INTS2: variants seen among roughly 807,000 people sequenced by gnomAD.
INTS2 encodes integrator complex subunit 2, also known as KIAA1287.
A neutral mutation model predicts 139.6 loss-of-function variants in INTS2; 57 were observed. The observed-to-expected ratio is 0.41, with a 90% CI of 0.33 to 0.51. INTS2 has a LOEUF of 0.51. Ranked by LOEUF, INTS2 falls within the 20% of genes least tolerant of loss-of-function variation. The probability of loss-of-function intolerance (pLI) is 0.28; values close to 1 mark genes in which losing one functional copy is unlikely to be tolerated. For synonymous variants in INTS2, 473 were observed against 493.4 expected (o/e 0.96, Z 0.55); for missense variants, 1,196 against 1,436.7 (o/e 0.83, Z 2.71).
At chr17:61,907,294 T>C (rs2079475706) in intron 8 of INTS2, 114 bp downstream of exon 8, 1 of 797,776 alleles carries the variant, frequency 1.3e-6, no homozygotes, top group Non-Finnish European at 2.0e-6. Flanking sequence ...GCCCACTACC[T>C]GAGTCCAACA....
At chr17:61,918,827 A>G (rs1392329843) in intron 5 of INTS2, among the ~76,000 whole-genome samples, 4 of 151,746 alleles carry the variant, frequency 2.6e-5, no homozygotes, top group Non-Finnish European at 5.9e-5. Context: ...AGCATTTCTC[A>G]TTATACATAT....
At chr17:61,924,887 T>C (rs2079692717) in intron 3 of INTS2, 74 bp downstream of exon 3, 8 of 1,466,808 alleles carry the variant, frequency 5.5e-6, no homozygotes, top group Admixed American at 2.0e-5. Context: ...ACTTCTTGTC[T>C]CTTTTTCTGT....
intron 4 of INTS2, among the ~76,000 whole-genome samples, chr17:61,920,486 C>CTTTTT (rs1187583288): frequency 1.9e-5 from 2 of 106,492 alleles, no homozygotes. Context: ...CTGGCCTATA[C>CTTTTT]TTTTTTTTTT....
chr17:61,903,098 G>A (rs1423745348), intron 9 of INTS2, among the ~76,000 whole-genome samples: 1 of 147,728 alleles, frequency 6.8e-6, no homozygotes, highest in Non-Finnish European at 1.5e-5. Context: ...CTGGGAGGTG[G>A]AGCTTGCAGT....
intron 13 of INTS2, among the ~76,000 whole-genome samples, chr17:61,892,773 TG>T (rs926566251): frequency 2.7e-5 from 4 of 150,376 alleles, no homozygotes; most frequent in Non-Finnish European, 5.9e-5. Flanking sequence ...GGTGAAACCC[TG>T]TCTCTACTAA....
At chr17:61,878,943 A>AAG (rs1303829098) in intron 17 of INTS2, among the ~76,000 whole-genome samples, 4 of 149,842 alleles carry the variant, frequency 2.7e-5, no homozygotes, top group Non-Finnish European at 5.9e-5. Flanking sequence ...AAAAAAAAAA[A>AAG]AAAAAAAAAA....
rs1386899914 is a variant in INTS2, at chr17:61,893,828, A to G, written c.1635T>C (p.Pro545=). The G allele has an allele frequency of 1.3e-6, 2 of 1,584,356 alleles. No individual in the cohort carries two copies. Among genetic ancestry groups the G allele is most frequent in the Non-Finnish European group, 1.7e-6 (2 of 1,164,304 alleles). ...TGAGAAGCTGGTAAATACAATGAAT[A>G]GGCAAAAATCCAGTAATGTTGGCAC... The part of the protein sequence containing the change: ...NLSANITGFL[P]IHCIYQLLRS... The change falls in exon 13 of 25, where the codon CCT becomes CCC. Residue 545 remains proline, a synonymous_variant. Transcript: ENST00000251334. This position sits in a 1 kb window ranked among gnomAD's most constrained non-coding sequence, Gnocchi z 5.4.
chr17:61,901,785 A>G (rs936217908), intron 9 of INTS2, among the ~76,000 whole-genome samples: 1 of 150,770 alleles, frequency 6.6e-6, no homozygotes, highest in African/African-American at 2.4e-5. Flanking sequence ...TTTAGTAGAG[A>G]CGGGGTTTCA....
intron 8 of INTS2, among the ~76,000 whole-genome samples, chr17:61,906,681 G>A (rs1198114390): frequency 6.6e-6 from 1 of 151,982 alleles, no homozygotes; most frequent in Non-Finnish European, 1.5e-5. Flanking sequence ...GATTTTGTAT[G>A]GTGACTAAGA....
Position 61,872,460 on chromosome 17 carries a change from T to C in INTS2, c.2583A>G (p.Arg861=). Reference sequence around the variant, plus strand: ...GGGTAATATCCATCAGTGGGGGGCATCTAAACAAGGAAAGCAGAAAAGAAA... The same window carrying C: ...GGGTAATATCCATCAGTGGGGGGCACCTAAACAAGGAAAGCAGAAAAGAAA... ...IVLRCDQRVH[R]CPPLMDITLH... Residue 861 remains arginine (R), a splice_region_variant and synonymous_variant, in exon 20 of 25, where the codon AGA becomes AGG. Coordinates refer to ENST00000251334, the MANE Select transcript of INTS2 (RefSeq NM_001351695.2). The surrounding 1 kb of genome is among the most constrained non-coding windows in gnomAD (Gnocchi z 4.8). The C allele has an allele frequency of 1.3e-6, 2 of 1,551,528 alleles. No homozygotes were observed. Among genetic ancestry groups the C allele is most frequent in the Admixed American group, 1.8e-5 (1 of 56,016 alleles).
chr17:61,884,952 GA>G lies in INTS2; in HGVS notation c.2037del (p.Pro680LeufsTer58). On this transcript the variant is annotated frameshift_variant, in exon 16 of 25. Coordinates refer to ENST00000251334, the MANE Select transcript of INTS2 (RefSeq NM_001351695.2). LOFTEE classifies it high-confidence loss of function. ...KSYSSSLMDQIPIKFLIRQAQ... is the reference protein window; with the variant it reads ...KSYSSSLMDQXPIKFLIRQAQ... ...GCCTGTCGAATAAGGAATTTGATAGGAATCTGATCCATTAAAGAAGAAGAAT... is the reference window on the plus strand; with the variant it reads ...GCCTGTCGAATAAGGAATTTGATAGGATCTGATCCATTAAAGAAGAAGAAT... 6.2e-7 allele frequency: 1 copy of G among 1,609,152 alleles called. No homozygotes were observed. The highest frequency in any genetic ancestry group is 8.5e-7 in the Non-Finnish European group (1 of 1,177,580).
In INTS2 at chr17:61,895,342, G is replaced by A. The variant is rs1356483260; in HGVS notation, c.1536C>T (p.Ile512=). The A allele has an allele frequency of 1.3e-6, 2 of 1,582,380 alleles. No homozygotes were observed. Among genetic ancestry groups the A allele is most frequent in the African/African-American group, 2.7e-5 (2 of 73,094 alleles). ...KPSSLSRMKT[I]FTQEIFTEQV... Reference sequence around the variant, plus strand: ...GCTCAGTAAAAATTTCCTGTGTGAAGATTGTCTTCATCCTGCTCAAGGAGC... The same window carrying A: ...GCTCAGTAAAAATTTCCTGTGTGAAAATTGTCTTCATCCTGCTCAAGGAGC... Residue 512 remains isoleucine (I), a synonymous_variant, in exon 12 of 25, where the codon ATC becomes ATT. Transcript: ENST00000251334.
chr17:61,912,197 A>C, intron 5 of INTS2, 127 bp from the exon 6 acceptor site: 2 of 893,416 alleles, frequency 2.2e-6, no homozygotes, highest in East Asian at 2.4e-5. Flanking sequence ...ATGAAGCAAA[A>C]AATGAAAAGA....
intron 7 of INTS2, chr17:61,911,089 GT>G (rs1052362117): frequency 1.3e-4 from 23 of 183,868 alleles, no homozygotes; most frequent in East Asian, 2.6e-4. Context: ...TTTGGTTTTG[GT>G]TTTTTTTTAA....
chr17:61,884,929 C>G lies in INTS2; in HGVS notation c.2061G>C (p.Gln687His), dbSNP rs1411027177. 6.2e-7 allele frequency: 1 copy of G among 1,608,046 alleles called. No individual in the cohort carries two copies. Among genetic ancestry groups the G allele is most frequent in the Non-Finnish European group, 8.5e-7 (1 of 1,177,050 alleles). ...CCAACTCCTGCTGCAGCCCTTGAGC[C>G]TGTCGAATAAGGAATTTGATAGGAA... The part of the protein sequence containing the change: ...DQIPIKFLIR[Q>H]AQGLQQELGG... Residue 687 changes from glutamine (Q) to histidine (H), a missense_variant, in exon 16 of 25, where the codon CAG becomes CAC. By Grantham distance (24) the Gln-to-His change is conservative. This residue lies in a region of INTS2 where 1,129 missense variants were observed against 1,341.9 expected (regional missense o/e 0.84). Coordinates refer to ENST00000251334, the MANE Select transcript of INTS2 (RefSeq NM_001351695.2).
intron 9 of INTS2, among the ~76,000 whole-genome samples, chr17:61,903,998 T>C (rs780875213): frequency 6.6e-6 from 1 of 152,186 alleles, no homozygotes; most frequent in Non-Finnish European, 1.5e-5. Flanking sequence ...AAGACACTGC[T>C]TCTAAGAAAG....
In INTS2 at chr17:61,912,077, T is replaced by C. The variant is rs1174117980; in HGVS notation, c.650-7A>G. On this transcript the variant is annotated splice_polypyrimidine_tract_variant and splice_region_variant and intron_variant, in intron 5 of 24. Coordinates refer to ENST00000251334, the MANE Select transcript of INTS2 (RefSeq NM_001351695.2). The stretch of plus-strand genomic sequence containing the variant: ...TTTATCAGGCCCCTACAAACTAACA[T>C]GATAGAAACCATCTTCTTCAGCCTT... 13 of 1,610,272 alleles carry C rather than the reference T, an allele frequency of 8.1e-6. No homozygotes were observed. In the Admixed American group the frequency reaches 1.7e-4, roughly 21 times the overall value.
intron 12 of INTS2, among the ~76,000 whole-genome samples, chr17:61,894,357 T>C (rs964672532): frequency 6.6e-6 from 1 of 152,226 alleles, no homozygotes; most frequent in African/African-American, 2.4e-5. Context: ...ATTCTCAATA[T>C]GTCATGCATA....
rs573236779 is a variant in INTS2, at chr17:61,921,652, A to G, written c.535+73T>C. 3 of 702,248 alleles carry G rather than the reference A, an allele frequency of 4.3e-6. No individual in the cohort carries two copies. The African/African-American group carries it at 5.3e-5, about 12-fold the overall frequency. 43.5% of individuals were successfully genotyped at this position (702,248 alleles called of 1,614,324 possible). On this transcript the variant is annotated intron_variant, in intron 4 of 24. Coordinates refer to ENST00000251334, the MANE Select transcript of INTS2 (RefSeq NM_001351695.2). ...GATCCCTAAAATAACACAGCATACC[A>G]GGCTAAGAAGTTACACAGTATCATT...
Sources: gnomAD v4.1 joint callset for allele counts (sites outside exome capture counted in the v4.1 genomes callset) on GRCh38, gnomAD v4.1.1 for gene constraint, gnomAD v4.1.1 regional missense constraint, Gnocchi (gnomAD v3.1) non-coding constraint, MANE v1.5 for transcripts, NCBI Gene and HGNC (gene_info 2026-07-23, HGNC 2026-07-21) for gene names.